LEPROTL1: variants seen among roughly 807,000 people sequenced by gnomAD.
The protein encoded by LEPROTL1 is leptin receptor overlapping transcript-like 1.
LEPROTL1 carries 6 observed loss-of-function variants against 15.4 expected under a neutral mutation model. The ratio of observed to expected loss-of-function variants is 0.39; its 90% CI spans 0.21 to 0.77. LEPROTL1 has a LOEUF of 0.77. LEPROTL1 is among the 30% of genes least tolerant of loss of function. The pLI is 0.41. For missense variants in LEPROTL1, 128 were observed against 158.1 expected, an observed-to-expected ratio of 0.81 and a Z score of 1.02; for synonymous variants, 56 against 52.6, an observed-to-expected ratio of 1.06 and a Z score of -0.28.
chr8:30,097,117 T>C (rs1393997736), intron 1 of LEPROTL1, among the ~76,000 whole-genome samples: 2 of 152,230 alleles, frequency 1.3e-5, no homozygotes, highest in Admixed American at 6.5e-5. Context: ...CAGACTTATC[T>C]AAGCTTTGTC....
chr8:30,131,899 T>C, intron 3 of LEPROTL1: 1 of 1,501,680 alleles, frequency 6.7e-7, no homozygotes, highest in Non-Finnish European at 8.9e-7. Flanking sequence ...TGGCACTTTC[T>C]AAAATGTTTC....
At chr8:30,113,275 AAAAC>A (rs1362193202), downstream of LEPROTL1, among the ~76,000 whole-genome samples, 2 of 145,202 alleles carry the variant, frequency 1.4e-5, no homozygotes, top group Non-Finnish European at 2.9e-5. Flanking sequence ...GACTGTCACA[AAAAC>A]AAAACAAACA....
chr8:30,132,548 A>C, intron 4 of LEPROTL1: 1 of 1,551,742 alleles, frequency 6.4e-7, no homozygotes, highest in Middle Eastern at 1.7e-4. Flanking sequence ...AATTGCTGGC[A>C]ATCAGTCAGT....
At chr8:30,136,505 C>A (rs1224209311) in intron 4 of LEPROTL1, among the ~76,000 whole-genome samples, 2 of 152,170 alleles carry the variant, frequency 1.3e-5, no homozygotes, top group African/African-American at 4.8e-5. Context: ...GCAGCCCTGC[C>A]CGACTAGCAG....
intron 3 of LEPROTL1, chr8:30,104,688 G>T (rs1802530843): frequency 2.5e-6 from 1 of 396,554 alleles, no homozygotes; most frequent in Non-Finnish European, 4.4e-6. Context: ...TGCAGCAGCT[G>T]TTGGCTTGCT....
chr8:30,107,940 GTC>G lies in LEPROTL1; in HGVS notation c.*2082_*2083del, dbSNP rs1187635556. The G allele has an allele frequency of 1.0e-6, 1 of 985,022 alleles. No homozygotes were observed. The highest frequency in any genetic ancestry group is 1.2e-6 in the Non-Finnish European group (1 of 829,720). 61.0% of individuals were successfully genotyped at this position (985,022 alleles called of 1,614,324 possible). ...TTGTATACTAGCTTGACATAGTGCT[GTC>G]TCTGATTTCTAGGCTAGTTACTTGA... On this transcript the variant is annotated 3_prime_UTR_variant, in exon 4 of 4. Transcript: ENST00000321250.
intron 3 of LEPROTL1, chr8:30,131,808 T>G (rs1341087411): frequency 3.9e-6 from 4 of 1,019,604 alleles, no homozygotes; most frequent in Non-Finnish European, 5.6e-6. Flanking sequence ...CTACTGCAAG[T>G]CACTGGGTAT....
At chr8:30,098,071 T>C (rs7845133) in intron 1 of LEPROTL1, among the ~76,000 whole-genome samples, 112,104 of 152,016 alleles carry the variant, frequency 0.74, 43,592 homozygotes, top group South Asian at 0.86. Flanking sequence ...ACCGTGAACA[T>C]GCTTTTTGAG....
At chr8:30,100,883 G>A (rs774753814) in intron 1 of LEPROTL1, among the ~76,000 whole-genome samples, 39 of 150,990 alleles carry the variant, frequency 2.6e-4, no homozygotes, top group Non-Finnish European at 4.4e-4. Context: ...GTGTGCGCGC[G>A]TAGCTTTAGA....
intron 3 of LEPROTL1, among the ~76,000 whole-genome samples, chr8:30,123,834 T>C (rs1354727999): frequency 6.6e-6 from 1 of 152,230 alleles, no homozygotes; most frequent in African/African-American, 2.4e-5. Context: ...GGATTTATTT[T>C]AGACAAGGTG....
intron 1 of LEPROTL1, among the ~76,000 whole-genome samples, chr8:30,100,983 C>T (rs953547622): frequency 6.6e-6 from 1 of 152,148 alleles, no homozygotes; most frequent in Non-Finnish European, 1.5e-5. Context: ...CATTGTCCTA[C>T]AGATTTTCTA....
chr8:30,132,719 C>T lies in LEPROTL1; in HGVS notation c.394+230C>T, dbSNP rs146920710. ...AATCGCTGGAAGGAGCACAGAGAGC[C>T]TCCCAGGAGAGCAGGGAAAAAGAGC... On this transcript the variant is annotated intron_variant, in intron 4 of 4. Transcript: ENST00000442880. 8 of 1,551,652 alleles carry T rather than the reference C, an allele frequency of 5.2e-6. No homozygotes were observed. The African/African-American group carries it at 9.6e-5, about 19-fold the overall frequency.
rs1802586240 is a variant in LEPROTL1 at position 30,107,442 on chromosome 8, A to G, written c.*1580A>G. 1.0e-6 allele frequency: 1 copy of G among 985,770 alleles called. No homozygotes were observed. The highest frequency in any genetic ancestry group is 1.7e-5 in the African/African-American group (1 of 57,240). 61.1% of individuals were successfully genotyped at this position (985,770 alleles called of 1,614,324 possible). On this transcript the variant is annotated 3_prime_UTR_variant, in exon 4 of 4. Transcript: ENST00000321250. ...CGCCATCAGCCAAAACTCAGTAATC[A>G]TGACAGCTGTCTGTTGTTTTATGAA...
At chr8:30,101,670 C>CAAAAAA (rs11316779) in intron 1 of LEPROTL1, among the ~76,000 whole-genome samples, 5 of 52,710 alleles carry the variant, frequency 9.5e-5, no homozygotes, top group Non-Finnish European at 1.3e-4. Context: ...CTCCATCTCA[C>CAAAAAA]AAAAAAAAAA....
chr8:30,130,938 C>T (rs1420538832), intron 3 of LEPROTL1, among the ~76,000 whole-genome samples: 1 of 151,832 alleles, frequency 6.6e-6, no homozygotes, highest in Non-Finnish European at 1.5e-5. Context: ...CACCACCACG[C>T]CCGGCTAATT....
chr8:30,137,586 T>C, exon 5 of LEPROTL1: 1 of 1,056,808 alleles, frequency 9.5e-7, no homozygotes, highest in Non-Finnish European at 1.4e-6. Context: ...TTTATATTCA[T>C]TCTAATGAAA....
chr8:30,104,360 A>G lies in LEPROTL1; in HGVS notation c.153A>G (p.Ile51Met). The change falls in exon 3 of 4, where the codon ATA becomes ATG. Residue 51 changes from isoleucine (I) to methionine (M), a missense_variant. By Grantham distance (10) the Ile-to-Met change is conservative. Coordinates refer to ENST00000321250, the MANE Select transcript of LEPROTL1 (RefSeq NM_015344.3). ...FYILSPIPYCIARRLVDDTDA... is the reference protein window; with the variant it reads ...FYILSPIPYCMARRLVDDTDA... The stretch of plus-strand genomic sequence containing the variant: ...TCCTTTCACCTATTCCATACTGCAT[A>G]GCAAGAAGATTAGTGGATGATACAG... 6.2e-7 allele frequency: 1 copy of G among 1,610,250 alleles called. No homozygotes were observed. The highest frequency in any genetic ancestry group is 8.5e-7 in the Non-Finnish European group (1 of 1,177,820).
chr8:30,136,708 G>A (rs192968367), intron 4 of LEPROTL1, among the ~76,000 whole-genome samples: 2 of 149,862 alleles, frequency 1.3e-5, no homozygotes, highest in Admixed American at 1.3e-4. Flanking sequence ...AGCCTTTGGT[G>A]AAAATAGTCT....
Position 30,104,326 on chromosome 8 carries a change from T to G in LEPROTL1, c.119T>G (p.Phe40Cys). 6.4e-7 allele frequency: 1 copy of G among 1,551,186 alleles called. No individual in the cohort carries two copies. The highest frequency in any genetic ancestry group is 1.3e-5 in the South Asian group (1 of 79,270). ...AAATACTGGCCCCTCTTTGTTCTAT[T>G]TTTTTACATCCTTTCACCTATTCCA... ...YNKYWPLFVL[F>C]FYILSPIPYC... Residue 40 changes from phenylalanine to cysteine, a missense_variant, in exon 3 of 4, where the codon TTT becomes TGT. Phe to Cys is a radical substitution (Grantham distance 205, BLOSUM62 -2). Coordinates refer to ENST00000321250, the MANE Select transcript of LEPROTL1 (RefSeq NM_015344.3).
Sources: allele counts gnomAD v4.1 joint callset (sites outside exome capture counted in the v4.1 genomes callset), GRCh38; gene constraint gnomAD v4.1.1; transcripts MANE v1.5; gene names NCBI Gene and HGNC (gene_info 2026-07-23, HGNC 2026-07-21).